The following BPIFB6 variants were observed in gnomAD, a reference collection of about 807,000 sequenced individuals.
BPIFB6 encodes the protein BPI fold-containing family B member 6.
Under a neutral mutation model 54.7 loss-of-function variants are expected in BPIFB6, and 47 were observed. That is an observed-to-expected ratio of 0.86 (90% CI 0.68 to 1.10). The LOEUF (loss-of-function observed/expected upper bound fraction) is 1.10. BPIFB6 is among the 50% of genes least tolerant of loss of function. The pLI is 0.00. For missense variants in BPIFB6, 603 were observed against 564.1 expected (o/e 1.07, Z -0.70); for synonymous variants, 255 against 225.9 (o/e 1.13, Z -1.16).
At chr20:33,039,230 C>T (rs1182805811) in intron 9 of BPIFB6, 117 bp from the exon 10 acceptor site, 1 of 1,095,194 alleles carries the variant, frequency 9.1e-7, no homozygotes, top group African/African-American at 1.6e-5. Flanking sequence ...CTGGCCTTTG[C>T]ATGTTGTACT....
Position 33,033,052 on chromosome 20 carries a change from C to A in BPIFB6, c.166C>A (p.Pro56Thr), listed in dbSNP as rs777569396. ...GGCAGCCGAGGCAGGCAAGAAACAG[C>A]CAGGGATGAAACCTATCAAGGGCAT... is the stretch of plus-strand genomic sequence containing the variant. The part of the protein sequence containing the change: ...KMAAEAGKKQ[P>T]GMKPIKGITN... The change falls in exon 2 of 15, where the codon CCA becomes ACA. Residue 56 changes from proline to threonine, a missense_variant. By Grantham distance (38) the Pro-to-Thr change is conservative (BLOSUM62 -1). Coordinates refer to ENST00000349552, the MANE Select transcript of BPIFB6 (RefSeq NM_174897.2). 10 of 1,613,804 alleles carry A rather than the reference C, an allele frequency of 6.2e-6. No individual in the cohort carries two copies. The highest frequency in any genetic ancestry group is 8.5e-6 in the Non-Finnish European group (10 of 1,179,880).
chr20:33,043,434 C>T, intron 14 of BPIFB6, 67 bp downstream of exon 14: 1 of 1,446,832 alleles, frequency 6.9e-7, no homozygotes, highest in East Asian at 2.3e-5. Context: ...TGAGCAAGAG[C>T]CTACCTCTCT....
chr20:33,035,233 C>T (rs1297133513), intron 5 of BPIFB6, 89 bp downstream of exon 5: 1 of 1,316,860 alleles, frequency 7.6e-7, no homozygotes, highest in Non-Finnish European at 1.1e-6. Context: ...GGTGCTGACC[C>T]TGATTGACTG....
At chr20:33,041,860 G>C in intron 11 of BPIFB6, 110 bp from the exon 12 acceptor site, 1 of 936,840 alleles carries the variant, frequency 1.1e-6, no homozygotes. Flanking sequence ...GGGGACTCCT[G>C]CATCAGGGAG....
intron 14 of BPIFB6, among the ~76,000 whole-genome samples, chr20:33,043,646 A>T (rs575156772): frequency 2.8e-4 from 43 of 152,314 alleles, no homozygotes; most frequent in African/African-American, 9.6e-4. Flanking sequence ...ATGATAATAC[A>T]TTATTGTCCT....
chr20:33,035,593 G>C lies in BPIFB6; in HGVS notation c.517-19G>C. On this transcript the variant is annotated intron_variant, in intron 5 of 14. Coordinates refer to ENST00000349552, the MANE Select transcript of BPIFB6 (RefSeq NM_174897.2). ...TCCATGCAGGGACCCTCTCAGCCCA[G>C]TGCCTTCTCTGCTTCCAGATGTGTC... 6.8e-6 allele frequency: 11 copies of C among 1,614,116 alleles called. No individual in the cohort carries two copies. The highest frequency in any genetic ancestry group is 8.5e-6 in the Non-Finnish European group (10 of 1,179,944).
At chr20:33,036,295 A>G (rs144305693) in intron 6 of BPIFB6, 150 bp from the exon 7 acceptor site, 120 of 676,774 alleles carry the variant, frequency 1.8e-4, no homozygotes, top group Non-Finnish European at 6.4e-5. Context: ...CCTCTATTCT[A>G]CAGATGAAGT....
chr20:33,036,671 G>A (rs1568986166), intron 7 of BPIFB6, 135 bp downstream of exon 7: 2 of 814,198 alleles, frequency 2.5e-6, no homozygotes, highest in Admixed American at 4.1e-5. Context: ...GGAGGCCAAT[G>A]CCATGTGGGT....
intron 6 of BPIFB6, 53 bp downstream of exon 6, chr20:33,035,725 T>G: frequency 1.9e-6 from 3 of 1,553,882 alleles, no homozygotes; most frequent in Non-Finnish European, 2.7e-6. Context: ...TCAGGATAGA[T>G]AGACTTTGAT....
chr20:33,036,631 C>T (rs1979355502), intron 7 of BPIFB6, 95 bp downstream of exon 7: 2 of 1,205,534 alleles, frequency 1.7e-6, no homozygotes, highest in African/African-American at 1.5e-5. Flanking sequence ...TGGACTAGGG[C>T]TGTGGAGGGA....
chr20:33,035,644 T>C lies in BPIFB6; in HGVS notation c.549T>C (p.Tyr183=). The C allele has an allele frequency of 6.2e-7, 1 of 1,614,188 alleles. No individual in the cohort carries two copies. The highest frequency in any genetic ancestry group is 8.5e-7 in the Non-Finnish European group (1 of 1,180,030). The change falls in exon 6 of 15, where the codon TAT becomes TAC. Residue 183 remains tyrosine (Y), a synonymous_variant. Transcript: ENST00000349552. Reference sequence around the variant, plus strand: ...CCGCCATCGATGCAGTCCTGGTGTATGTGAACAGGAAGTGGACCAACCTCA... The same window carrying C: ...CCGCCATCGATGCAGTCCTGGTGTACGTGAACAGGAAGTGGACCAACCTCA... ...MCPAIDAVLV[Y]VNRKWTNLSD...
chr20:33,032,542 T>C (rs966797095), intron 1 of BPIFB6, among the ~76,000 whole-genome samples: 10 of 152,150 alleles, frequency 6.6e-5, no homozygotes, highest in Non-Finnish European at 1.5e-5. Context: ...ACATGCCCCC[T>C]GCAAACTGCT....
Position 33,039,367 on chromosome 20 carries a change from G to T in BPIFB6, c.921G>T (p.Lys307Asn). The change falls in exon 10 of 15, where the codon AAG becomes AAT. Residue 307 changes from lysine (K) to asparagine (N), a missense_variant. Physicochemically the swap from Lys to Asn is moderately conservative, Grantham distance 94. Transcript: ENST00000349552. Reference sequence around the variant, plus strand: ...TGTAGGTGGCTGTAGCTTATCCCAAGTCAAAGCCCTTGACGACCCAGATCA... The same window carrying T: ...TGTAGGTGGCTGTAGCTTATCCCAATTCAAAGCCCTTGACGACCCAGATCA... ...FIPEVAVAYP[K>N]SKPLTTQIKI... is the part of the protein sequence containing the mutation. 1 of 1,612,982 alleles carries T rather than the reference G, an allele frequency of 6.2e-7. No individual in the cohort carries two copies. The highest frequency in any genetic ancestry group is 8.5e-7 in the Non-Finnish European group (1 of 1,179,662).
rs1450597909 is a variant in BPIFB6, at chr20:33,036,463, A to G, written c.596A>G (p.Gln199Arg). The part of the protein sequence containing the change: ...TNLSDPMPVG[Q>R]MGTVKYVLMS... Reference sequence around the variant, plus strand: ...CACACAGACCCCATGCCTGTGGGCCAGATGGGCACCGTCAAATATGTTCTG... The same window carrying G: ...CACACAGACCCCATGCCTGTGGGCCGGATGGGCACCGTCAAATATGTTCTG... Residue 199 changes from glutamine (Q) to arginine (R), a missense_variant, in exon 7 of 15, where the codon CAG (glutamine) becomes CGG (arginine). Transcript: ENST00000349552. The G allele has an allele frequency of 1.2e-6, 2 of 1,613,846 alleles. No individual in the cohort carries two copies. Among genetic ancestry groups the G allele is most frequent in the South Asian group, 1.1e-5 (1 of 91,012 alleles).
At chr20:33,037,441 A>C (rs1241417091) in intron 7 of BPIFB6, 121 bp from the exon 8 acceptor site, 8 of 973,578 alleles carry the variant, frequency 8.2e-6, no homozygotes, top group Non-Finnish European at 1.2e-5. Flanking sequence ...TCTCTTAATA[A>C]GATTTAATGA....
At position 33,035,592 on chromosome 20, in the gene BPIFB6, A is replaced by G. The variant is rs1449093194; in HGVS notation, c.517-20A>G. The G allele has an allele frequency of 3.7e-6, 6 of 1,613,908 alleles. No homozygotes were observed. Among genetic ancestry groups the G allele is most frequent in the Non-Finnish European group, 5.1e-6 (6 of 1,179,930 alleles). On this transcript the variant is annotated intron_variant, in intron 5 of 14. Coordinates refer to ENST00000349552, the MANE Select transcript of BPIFB6 (RefSeq NM_174897.2). Reference sequence around the variant, plus strand: ...CTCCATGCAGGGACCCTCTCAGCCCAGTGCCTTCTCTGCTTCCAGATGTGT... The same window carrying G: ...CTCCATGCAGGGACCCTCTCAGCCCGGTGCCTTCTCTGCTTCCAGATGTGT...
chr20:33,033,609 TG>T lies in BPIFB6; in HGVS notation c.197+531del, dbSNP rs1395880608. 1.1e-5 allele frequency: 5 copies of T among 456,630 alleles called. No individual in the cohort carries two copies. The East Asian group carries it at 3.5e-4, about 32-fold the overall frequency. The allele number at this position is 456,630 out of a possible 1,614,324, so 28.3% of individuals were successfully genotyped here. A position where few individuals can be genotyped will look rare whatever the true frequency, so the allele number is the denominator to read the frequency against. On this transcript the variant is annotated intron_variant, in intron 2 of 14. Transcript: ENST00000349552. ...CTGCCAAGAGCTCAGGATGGGCAAG[TG>T]GGGGTATGTGTGCCACATCTTTTGT...
intron 4 of BPIFB6, 32 bp downstream of exon 4, chr20:33,034,944 G>C (rs201947407): frequency 6.2e-7 from 1 of 1,604,600 alleles, no homozygotes; most frequent in East Asian, 2.2e-5. Context: ...GAGGAAGGCC[G>C]GTCCATATTG....
chr20:33,042,299 T>C (rs1012981146), intron 12 of BPIFB6, among the ~76,000 whole-genome samples: 1 of 152,216 alleles, frequency 6.6e-6, no homozygotes, highest in Non-Finnish European at 1.5e-5. Flanking sequence ...GGCCAAGCTG[T>C]TATTTTTATT....
Sources: allele counts gnomAD v4.1 joint callset (sites outside exome capture counted in the v4.1 genomes callset), GRCh38; gene constraint gnomAD v4.1.1; transcripts MANE v1.5; gene names NCBI Gene and HGNC (gene_info 2026-07-23, HGNC 2026-07-21).